ZNF618: variants seen among roughly 807,000 people sequenced by gnomAD.
The protein encoded by ZNF618 is neural precursor cell expressed, developmentally down-regulated 10.
A neutral mutation model predicts 103.0 loss-of-function variants in ZNF618; 34 were observed. The ratio of observed to expected loss-of-function variants is 0.33; its 90% CI spans 0.25 to 0.44. ZNF618 has a LOEUF of 0.44. ZNF618 is among the 20% of genes least tolerant of loss of function. The probability of loss-of-function intolerance (pLI) is 1.00; values close to 1 mark genes in which losing one functional copy is unlikely to be tolerated. For missense variants in ZNF618, 1,059 were observed against 1,295.4 expected, an observed-to-expected ratio of 0.82 and a Z score of 2.80; for synonymous variants, 551 against 542.2, an observed-to-expected ratio of 1.02 and a Z score of -0.23.
At chr9:113,980,219 G>T (rs1363926919) in intron 2 of ZNF618, among the ~76,000 whole-genome samples, 2 of 152,154 alleles carry the variant, frequency 1.3e-5, no homozygotes, top group Non-Finnish European at 2.9e-5. Context: ...TAGATGGCAG[G>T]TTTTAGCCAG....
intron 1 of ZNF618, among the ~76,000 whole-genome samples, chr9:113,889,109 C>A (rs545179388): frequency 2.9e-4 from 44 of 152,276 alleles, no homozygotes; most frequent in African/African-American, 1.0e-3. Flanking sequence ...CTTAACGCAA[C>A]AATGATCATT....
At position 114,051,748 on chromosome 9, in the gene ZNF618, T is replaced by G. The variant is rs1001291349; in HGVS notation, c.*1581T>G. ...CGACTCGATGCTGTGAAAGATGTCT[T>G]CAGGCTTTTCTCTCCTGTTCCCCCA... On this transcript the variant is annotated 3_prime_UTR_variant, in exon 15 of 15. Coordinates refer to ENST00000374126, the MANE Select transcript of ZNF618 (RefSeq NM_001318042.2). The G allele has an allele frequency of 6.6e-6, 1 of 152,452 alleles. No homozygotes were observed. The highest frequency in any genetic ancestry group is 1.5e-5 in the Non-Finnish European group (1 of 68,238). 9.4% of individuals were successfully genotyped at this position (152,452 alleles called of 1,614,324 possible). A position where few individuals can be genotyped will look rare whatever the true frequency, so the allele number is the denominator to read the frequency against.
chr9:113,975,393 CAT>C (rs1324369094), intron 2 of ZNF618, among the ~76,000 whole-genome samples: 3 of 152,342 alleles, frequency 2.0e-5, no homozygotes, highest in East Asian at 1.9e-4. Flanking sequence ...CTGATAACCA[CAT>C]GTGTGTGGCT....
intron 1 of ZNF618, among the ~76,000 whole-genome samples, chr9:113,912,930 G>A (rs1434570024): frequency 1.3e-5 from 2 of 152,064 alleles, no homozygotes; most frequent in Non-Finnish European, 2.9e-5. Context: ...AGGGAACCTT[G>A]GGCCTTCAAG....
chr9:113,992,950 G>A (rs1840216655), intron 3 of ZNF618, among the ~76,000 whole-genome samples: 1 of 152,248 alleles, frequency 6.6e-6, no homozygotes, highest in Admixed American at 6.5e-5. Flanking sequence ...GAGAAAGAAA[G>A]TCACTGCCAT....
In ZNF618 at chr9:114,049,438, C is replaced by G; in HGVS notation, c.2136C>G (p.Cys712Trp). ...LLVHERYEQICEFYSRAKKMN... is the reference protein window; with the variant it reads ...LLVHERYEQIWEFYSRAKKMN... ...TGCATGAGCGCTATGAGCAGATCTG[C>G]GAGTTCTACAGCCGGGCCAAGAAGA... Residue 712 changes from cysteine (C) to tryptophan (W), a missense_variant, in exon 15 of 15, where the codon TGC (cysteine) becomes TGG (tryptophan). Transcript: ENST00000374126. 6.2e-7 allele frequency: 1 copy of G among 1,605,944 alleles called. No homozygotes were observed. Among genetic ancestry groups the G allele is most frequent in the Non-Finnish European group, 8.5e-7 (1 of 1,176,260 alleles).
chr9:114,047,120 C>G (rs1182857139), intron 13 of ZNF618, among the ~76,000 whole-genome samples: 1 of 152,186 alleles, frequency 6.6e-6, no homozygotes, highest in African/African-American at 2.4e-5. Flanking sequence ...GAAATGATCC[C>G]ATAAACATGT....
intron 2 of ZNF618, among the ~76,000 whole-genome samples, chr9:113,973,686 G>A (rs1052361319): frequency 1.3e-5 from 2 of 152,180 alleles, no homozygotes; most frequent in Non-Finnish European, 2.9e-5. Context: ...GGGGCCTTAA[G>A]TTTGGAAAAT....
chr9:113,968,806 C>T (rs1837673481), intron 1 of ZNF618, among the ~76,000 whole-genome samples: 2 of 152,316 alleles, frequency 1.3e-5, no homozygotes, highest in South Asian at 4.1e-4. Flanking sequence ...TGGTGCAATT[C>T]AATCTCAGAT....
At chr9:113,956,093 C>T (rs944545898) in intron 1 of ZNF618, among the ~76,000 whole-genome samples, 1 of 151,700 alleles carries the variant, frequency 6.6e-6, no homozygotes, top group African/African-American at 2.4e-5. Context: ...CCTGTAATCC[C>T]AGCTACTCGG....
intron 12 of ZNF618, among the ~76,000 whole-genome samples, chr9:114,033,136 G>A (rs1391500454): frequency 1.3e-5 from 2 of 152,154 alleles, no homozygotes; most frequent in Admixed American, 6.5e-5. Flanking sequence ...GAGGCCGGGC[G>A]CCGTGGCTCA....
intron 1 of ZNF618, among the ~76,000 whole-genome samples, chr9:113,960,685 T>G (rs940689816): frequency 6.6e-6 from 1 of 152,230 alleles, no homozygotes; most frequent in Non-Finnish European, 1.5e-5. Flanking sequence ...ACTTGGCCAG[T>G]CAATCACAAT....
intron 9 of ZNF618, among the ~76,000 whole-genome samples, chr9:114,009,011 G>T (rs1842007552): frequency 6.6e-6 from 1 of 152,216 alleles, no homozygotes; most frequent in Non-Finnish European, 1.5e-5. Flanking sequence ...TGAATGAGCT[G>T]TCCAGGGCAG....
intron 1 of ZNF618, among the ~76,000 whole-genome samples, chr9:113,926,132 C>T (rs932723721): frequency 6.7e-5 from 10 of 149,414 alleles, no homozygotes; most frequent in Middle Eastern, 6.5e-3. Context: ...TTCACTGGAT[C>T]AGATTTCTAG....
At chr9:113,955,915 G>A (rs1656484683) in intron 1 of ZNF618, among the ~76,000 whole-genome samples, 1 of 152,046 alleles carries the variant, frequency 6.6e-6, no homozygotes, top group African/African-American at 2.4e-5. Flanking sequence ...GTGCTTTGGG[G>A]GTCAGGAGGC....
chr9:113,897,918 G>A (rs543871845), intron 1 of ZNF618, among the ~76,000 whole-genome samples: 2 of 152,200 alleles, frequency 1.3e-5, no homozygotes, highest in East Asian at 3.9e-4. Context: ...TTAGCCTCCC[G>A]AGTAGCTGGG....
At position 113,968,622 on chromosome 9, in the gene ZNF618, A is replaced by G. The variant is rs141784647; in HGVS notation, c.34-495A>G. Among the ~76,000 whole-genome samples, 140 of 152,150 alleles carry G rather than the reference A, an allele frequency of 9.2e-4. 3 individuals carry two copies. In the Middle Eastern group the frequency reaches 0.01, roughly 11 times the overall value. On this transcript the variant is annotated intron_variant, in intron 1 of 14. Coordinates refer to ENST00000374126, the MANE Select transcript of ZNF618 (RefSeq NM_001318042.2). ...CTGAAAATTTCATTTGATCAGCTTT[A>G]TGTCCCCCTCCCCCCACACCCAAAT... is the stretch of plus-strand genomic sequence containing the variant.
chr9:114,037,418 C>A (rs1288111572), intron 13 of ZNF618, among the ~76,000 whole-genome samples: 3 of 152,146 alleles, frequency 2.0e-5, no homozygotes, highest in African/African-American at 7.2e-5. Flanking sequence ...GCCACATGAC[C>A]AGCCTGAACC....
intron 2 of ZNF618, among the ~76,000 whole-genome samples, chr9:113,975,824 G>C (rs1379432936): frequency 1.3e-5 from 2 of 152,082 alleles, no homozygotes; most frequent in East Asian, 3.8e-4. Context: ...GTTTTGGGAG[G>C]TATCTTCATC....
Sources: allele counts gnomAD v4.1 joint callset (sites outside exome capture counted in the v4.1 genomes callset), GRCh38; gene constraint gnomAD v4.1.1; transcripts MANE v1.5; gene names NCBI Gene and HGNC (gene_info 2026-07-23, HGNC 2026-07-21).